WDR27: variants seen among roughly 807,000 people sequenced by gnomAD.
The protein encoded by WDR27 is WD repeat-containing protein 27.
WDR27 carries 100 observed loss-of-function variants against 114.4 expected under a neutral mutation model. The observed-to-expected ratio is 0.87, with a 90% CI of 0.74 to 1.03. The LOEUF is 1.03. Ranked by LOEUF, WDR27 falls within the 50% of genes least tolerant of loss-of-function variation. The pLI is 0.00. For synonymous variants in WDR27, 449 were observed against 423.1 expected, an observed-to-expected ratio of 1.06 and a Z score of -0.75; for missense variants, 1,129 against 1,092.9, an observed-to-expected ratio of 1.03 and a Z score of -0.47.
At chr6:169,550,120 A>T (rs1797909260) in intron 25 of WDR27, among the ~76,000 whole-genome samples, 1 of 152,324 alleles carries the variant, frequency 6.6e-6, no homozygotes, top group Admixed American at 6.5e-5. Flanking sequence ...GGGGGCCAGG[A>T]GGCACAAGGG....
intron 25 of WDR27, among the ~76,000 whole-genome samples, chr6:169,543,270 C>T (rs901790120): frequency 6.6e-6 from 1 of 152,040 alleles, no homozygotes; most frequent in Non-Finnish European, 1.5e-5. Flanking sequence ...AATCTGAACA[C>T]TCAGCACATA....
chr6:169,670,888 G>T, intron 3 of WDR27, 195 bp from the exon 4 acceptor site: 1 of 661,712 alleles, frequency 1.5e-6, no homozygotes, highest in Non-Finnish European at 2.4e-6. Context: ...CCTGGGGAAT[G>T]CAGCACTTCC....
At chr6:169,501,697 T>C (rs1021192401) in intron 25 of WDR27, among the ~76,000 whole-genome samples, 2 of 97,566 alleles carry the variant, frequency 2.0e-5, no homozygotes, top group Admixed American at 1.9e-4. Context: ...GTTGACTCCT[T>C]ATCTTCCCGA....
chr6:169,624,223 G>A (rs1053716723), intron 21 of WDR27, among the ~76,000 whole-genome samples: 41 of 149,484 alleles, frequency 2.7e-4, no homozygotes, highest in African/African-American at 1.0e-3. Context: ...TGTTCCGTGT[G>A]CGCATCAGGT....
intron 14 of WDR27, among the ~76,000 whole-genome samples, chr6:169,651,575 G>A (rs369299424): frequency 2.0e-5 from 3 of 152,234 alleles, no homozygotes; most frequent in Non-Finnish European, 4.4e-5. Flanking sequence ...TCTAAGAAGA[G>A]CACCGTGTCC....
chr6:169,519,106 T>A (rs75903467), intron 25 of WDR27, among the ~76,000 whole-genome samples: 2,488 of 152,336 alleles, frequency 0.016, 63 homozygotes, highest in African/African-American at 0.057. Context: ...CAGCCTTCAC[T>A]GTCCATAGCA....
At position 169,688,858 on chromosome 6, in the gene WDR27, T is replaced by G. The variant is rs1783741541; in HGVS notation, c.148A>C (p.Thr50Pro). ...MQDCAFPLDG[T>P]ELCIWNTKDP... ...TTAGTGTTCCATATACAAAGTTCAG[T>G]TCCATCCAAAGGGAAAGCACAGTCC... Residue 50 changes from threonine (T) to proline (P), a missense_variant, in exon 2 of 26, where the codon ACT (threonine) becomes CCT (proline). Transcript: ENST00000448612. The G allele has an allele frequency of 6.2e-7, 1 of 1,612,884 alleles. No individual in the cohort carries two copies. Among genetic ancestry groups the G allele is most frequent in the Admixed American group, 1.7e-5 (1 of 59,820 alleles).
intron 25 of WDR27, among the ~76,000 whole-genome samples, chr6:169,458,690 G>A (rs1294146807): frequency 6.6e-6 from 1 of 152,028 alleles, no homozygotes; most frequent in Admixed American, 6.5e-5. Context: ...AGGAGGCTGA[G>A]GCATGAGACT....
intron 7 of WDR27, 154 bp downstream of exon 7, chr6:169,665,332 G>C: frequency 7.1e-7 from 1 of 1,413,322 alleles, no homozygotes; most frequent in South Asian, 1.6e-5. Context: ...CAGTGACGCT[G>C]AGACCCACAG....
intron 4 of WDR27, chr6:169,670,285 A>G (rs1778349934): frequency 3.9e-6 from 1 of 258,692 alleles, no homozygotes; most frequent in Admixed American, 5.0e-5. Flanking sequence ...ATCAGGGAAT[A>G]TCTGAGAAAT....
chr6:169,698,761 C>T (rs911931609), intron 1 of WDR27, among the ~76,000 whole-genome samples: 1 of 152,168 alleles, frequency 6.6e-6, no homozygotes, highest in Admixed American at 6.5e-5. Context: ...ATGCTGGAGG[C>T]GGAGGGCTCC....
chr6:169,682,211 C>T (rs1781717461), intron 2 of WDR27, among the ~76,000 whole-genome samples: 1 of 152,138 alleles, frequency 6.6e-6, no homozygotes, highest in South Asian at 2.1e-4. Context: ...AGCTCTCCAA[C>T]CTCCATCCCA....
chr6:169,638,988 AGTGCTGGGTACTGCGTG>A (rs1405690409), intron 17 of WDR27, among the ~76,000 whole-genome samples: 2 of 149,754 alleles, frequency 1.3e-5, no homozygotes, highest in African/African-American at 4.9e-5. Flanking sequence ...GGTACTGTGC[AGTGCTGGGTACTGCGTG>A]GTGCTGGATA....
chr6:169,700,468 T>C (rs535875163), intron 1 of WDR27, among the ~76,000 whole-genome samples: 1 of 152,356 alleles, frequency 6.6e-6, no homozygotes, highest in South Asian at 2.1e-4. Context: ...TAGCTTCCCT[T>C]GCAATTAAGT....
the WDR27 span, among the ~76,000 whole-genome samples, chr6:169,440,872 T>C: frequency 6.6e-6 from 1 of 152,192 alleles, no homozygotes; most frequent in Admixed American, 6.5e-5. Flanking sequence ...CAACAAGTCT[T>C]CCCACTTCCT....
Position 169,523,450 on chromosome 6 carries a change from A to G in WDR27, c.2645+48969T>C, listed in dbSNP as rs548378066. Among the ~76,000 whole-genome samples the G allele has an allele frequency of 4.6e-5, 7 of 152,266 alleles. No individual in the cohort carries two copies. In the East Asian group the frequency reaches 9.6e-4, roughly 21 times the overall value. ...TCTAAACTCATCCTATGAGGCCAGC[A>G]TTACTCTGATATCAAAACCAGACAA... is the stretch of plus-strand genomic sequence containing the variant. On this transcript the variant is annotated intron_variant, in intron 25 of 25. Coordinates refer to ENST00000448612, the MANE Select transcript of WDR27 (RefSeq NM_182552.5).
chr6:169,428,762 G>C, the WDR27 span, among the ~76,000 whole-genome samples: 1 of 152,216 alleles, frequency 6.6e-6, no homozygotes, highest in East Asian at 1.9e-4. Context: ...TGGCGTCAGG[G>C]TGAGGGTGAG....
At chr6:169,683,399 G>T (rs1423386668) in intron 2 of WDR27, among the ~76,000 whole-genome samples, 2 of 151,970 alleles carry the variant, frequency 1.3e-5, no homozygotes, top group Non-Finnish European at 2.9e-5. Context: ...GTGAGGGGAG[G>T]CAGTGATATA....
chr6:169,552,682 T>C (rs730002), intron 25 of WDR27, among the ~76,000 whole-genome samples: 1,663 of 152,376 alleles, frequency 0.011, 38 homozygotes, highest in African/African-American at 0.038. Flanking sequence ...ACCTAATTTA[T>C]TGTGATGTAA....
Sources: gnomAD v4.1 joint callset for allele counts (sites outside exome capture counted in the v4.1 genomes callset) on GRCh38, gnomAD v4.1.1 for gene constraint, MANE v1.5 for transcripts, NCBI Gene and HGNC (gene_info 2026-07-23, HGNC 2026-07-21) for gene names.